Variants in PIAS2 observed in about 807,000 individuals in gnomAD.
PIAS2 encodes the protein protein inhibitor of activated STAT 2.
Under a neutral mutation model 69.7 loss-of-function variants are expected in PIAS2, and 19 were observed. The ratio of observed to expected loss-of-function variants is 0.27; its 90% confidence interval spans 0.19 to 0.40. The LOEUF (loss-of-function observed/expected upper bound fraction) is 0.40. PIAS2 is among the 10% of genes least tolerant of loss of function. The probability of loss-of-function intolerance (pLI) is 1.00; values close to 1 mark genes in which losing one functional copy is unlikely to be tolerated. For synonymous variants in PIAS2, 261 were observed against 263.2 expected (o/e 0.99, Z 0.08); for missense variants, 624 against 757.0 (o/e 0.82, Z 2.06).
At position 46,828,110 on chromosome 18, in the gene PIAS2, G is replaced by A. The variant is rs750182425; in HGVS notation, c.1357C>T (p.Pro453Ser). 4 of 1,609,824 alleles carry A rather than the reference G, an allele frequency of 2.5e-6. No individual in the cohort carries two copies. The highest frequency in any genetic ancestry group is 1.3e-5 in the African/African-American group (1 of 74,736). Residue 453 changes from proline (P) to serine (S), a missense_variant, in exon 11 of 14, where the codon CCT (proline) becomes TCT (serine). Physicochemically the swap from Pro to Ser is moderately conservative, Grantham distance 74 (BLOSUM62 -1). Transcript: ENST00000585916. ...KIESSSVLSK[P>S]CSVTVASEAS... ...TCACTGGCTACAGTCACTGAACAAG[G>A]CTTACTGAGGACGCTTGAACCTGCA...
intron 2 of PIAS2, among the ~76,000 whole-genome samples, chr18:46,872,512 C>G (rs988746894): frequency 6.6e-6 from 1 of 152,164 alleles, no homozygotes; most frequent in African/African-American, 2.4e-5. Context: ...TGCTCCAATA[C>G]GTGGATGACC....
At chr18:46,820,451 T>A (rs1432832958) in intron 12 of PIAS2, among the ~76,000 whole-genome samples, 1 of 152,090 alleles carries the variant, frequency 6.6e-6, no homozygotes, top group Non-Finnish European at 1.5e-5. Context: ...GTACTGTACA[T>A]ATAAAAGATA....
At chr18:46,864,978 T>C (rs2049212747) in intron 2 of PIAS2, among the ~76,000 whole-genome samples, 1 of 152,152 alleles carries the variant, frequency 6.6e-6, no homozygotes, top group African/African-American at 2.4e-5. Flanking sequence ...AACACTCATA[T>C]AAGAAAATTT....
At chr18:46,913,965 C>G (rs777941876) in intron 1 of PIAS2, among the ~76,000 whole-genome samples, 6 of 152,226 alleles carry the variant, frequency 3.9e-5, no homozygotes, top group Non-Finnish European at 8.8e-5. Flanking sequence ...CCCTGCCCTC[C>G]AGACCATTTT....
intron 4 of PIAS2, 51 bp downstream of exon 4, chr18:46,855,514 G>T: frequency 6.4e-7 from 1 of 1,563,592 alleles, no homozygotes; most frequent in Non-Finnish European, 8.8e-7. Flanking sequence ...AGAACTACAT[G>T]CACATAGTAA....
chr18:46,919,764 A>G (rs1308373922), upstream of PIAS2, among the ~76,000 whole-genome samples: 1 of 152,240 alleles, frequency 6.6e-6, no homozygotes, highest in African/African-American at 2.4e-5. Context: ...TAATGAATAA[A>G]GGAATGAATG....
In PIAS2 at chr18:46,811,334, A is replaced by G. The variant is rs1474353979; in HGVS notation, c.*1099T>C. ...AAATCACTGCTGAGACTGAAATTAC[A>G]TTGGTGAGAAATATGATCATCATAA... is the stretch of plus-strand genomic sequence containing the variant. On this transcript the variant is annotated 3_prime_UTR_variant, in exon 14 of 14. Transcript: ENST00000585916. The G allele has an allele frequency of 6.6e-6, 1 of 152,174 alleles. No homozygotes were observed. Among genetic ancestry groups the G allele is most frequent in the East Asian group, 1.9e-4 (1 of 5,198 alleles). The allele number at this position is 152,174 out of a possible 1,614,324, so 9.4% of individuals were successfully genotyped here.
At chr18:46,891,147 A>G (rs1364384839) in intron 1 of PIAS2, 93 bp from the exon 2 acceptor site, 7 of 882,736 alleles carry the variant, frequency 7.9e-6, no homozygotes, top group Non-Finnish European at 1.2e-5. Context: ...TTTTTCCAGC[A>G]TTCTATCAAT....
chr18:46,916,614 T>G (rs1439561296), intron 1 of PIAS2, among the ~76,000 whole-genome samples: 1 of 152,174 alleles, frequency 6.6e-6, no homozygotes, highest in African/African-American at 2.4e-5. Flanking sequence ...AAAGTTATGA[T>G]CTTGTTTTAA....
At chr18:46,868,609 T>C (rs944605285) in intron 2 of PIAS2, among the ~76,000 whole-genome samples, 2 of 152,146 alleles carry the variant, frequency 1.3e-5, no homozygotes, top group South Asian at 2.1e-4. Context: ...AGATTAACCG[T>C]GTTAGGGATA....
At chr18:46,874,777 G>A (rs1448153567) in intron 2 of PIAS2, among the ~76,000 whole-genome samples, 1 of 152,110 alleles carries the variant, frequency 6.6e-6, no homozygotes, top group Non-Finnish European at 1.5e-5. Context: ...CAGAACTAAA[G>A]GCCTTTTAGC....
At chr18:46,906,468 T>C (rs1025043387) in intron 1 of PIAS2, among the ~76,000 whole-genome samples, 6 of 152,060 alleles carry the variant, frequency 3.9e-5, no homozygotes, top group African/African-American at 7.2e-5. Flanking sequence ...ATTAGGAGTA[T>C]AGCAAGGTTA....
intron 1 of PIAS2, among the ~76,000 whole-genome samples, chr18:46,904,400 A>G (rs2056305850): frequency 6.6e-6 from 1 of 152,174 alleles, no homozygotes. Context: ...AAAGGACACA[A>G]AAATGTAACG....
intron 5 of PIAS2, among the ~76,000 whole-genome samples, chr18:46,849,881 A>G (rs1398254291): frequency 6.6e-6 from 1 of 152,096 alleles, no homozygotes; most frequent in Non-Finnish European, 1.5e-5. Flanking sequence ...ACAAAAATAC[A>G]CATTTCTTTT....
At chr18:46,873,402 G>A (rs1326211008) in intron 2 of PIAS2, among the ~76,000 whole-genome samples, 1 of 152,088 alleles carries the variant, frequency 6.6e-6, no homozygotes, top group East Asian at 1.9e-4. Flanking sequence ...TTTCAAAACA[G>A]GACATCTATT....
intron 5 of PIAS2, among the ~76,000 whole-genome samples, chr18:46,851,628 G>A (rs1335959740): frequency 1.3e-5 from 2 of 152,106 alleles, no homozygotes; most frequent in Non-Finnish European, 2.9e-5. Flanking sequence ...TTGCACCAAG[G>A]GAACCTGGAA....
Position 46,807,369 on chromosome 18 carries a change from ATATATATATATATATTTTTTTTTTT to A in PIAS2, c.*5039_*5063del, listed in dbSNP as rs1568312680. ...CATGTCAGATTTTATATATATATAT[ATATATATATATATATTTTTTTTTTT>A]TTTTTTTTTTTTTTTTAGAGAGTCT... On this transcript the variant is annotated 3_prime_UTR_variant, in exon 14 of 14. Coordinates refer to ENST00000585916, the MANE Select transcript of PIAS2 (RefSeq NM_004671.5). The A allele has an allele frequency of 8.1e-5, 2 of 24,576 alleles. No individual in the cohort carries two copies. The highest frequency in any genetic ancestry group is 6.3e-4 in the African/African-American group (2 of 3,150). The allele number at this position is 24,576 out of a possible 1,614,324, so 1.5% of individuals were successfully genotyped here.
intron 8 of PIAS2, among the ~76,000 whole-genome samples, chr18:46,842,970 G>A (rs1381328309): frequency 6.6e-6 from 1 of 152,110 alleles, no homozygotes; most frequent in Non-Finnish European, 1.5e-5. Flanking sequence ...AAAAAGATCT[G>A]CAAATACCAC....
chr18:46,841,803 T>C (rs959134160), intron 8 of PIAS2, among the ~76,000 whole-genome samples: 1 of 152,218 alleles, frequency 6.6e-6, no homozygotes, highest in African/African-American at 2.4e-5. Context: ...AAAAACCTAT[T>C]TGATCTGTTA....
Sources: gnomAD v4.1 joint callset for allele counts (sites outside exome capture counted in the v4.1 genomes callset) on GRCh38, gnomAD v4.1.1 for gene constraint, MANE v1.5 for transcripts, NCBI Gene and HGNC (gene_info 2026-07-23, HGNC 2026-07-21) for gene names.